UNC79: variants seen among roughly 807,000 people sequenced by gnomAD.
The protein encoded by UNC79 is unc-79 subunit of NALCN channel complex.
In UNC79, 37 loss-of-function variants were observed where a neutral mutation model predicts 283.1. That is an observed-to-expected ratio of 0.13 (90% CI 0.10 to 0.17). The LOEUF (loss-of-function observed/expected upper bound fraction) is 0.17, where lower values mean the gene tolerates loss of function less well. UNC79 is among the 10% of genes least tolerant of loss of function. The probability of loss-of-function intolerance (pLI) is 1.00; values close to 1 mark genes in which losing one functional copy is unlikely to be tolerated. For synonymous variants in UNC79, 1,107 were observed against 1,200.2 expected (o/e 0.92, Z 1.61); for missense variants, 2,272 against 3,211.1 (o/e 0.71, Z 7.07).
chr14:93,678,043 C>A (rs547151922), intron 41 of UNC79, among the ~76,000 whole-genome samples: 1 of 152,238 alleles, frequency 6.6e-6, no homozygotes, highest in African/African-American at 2.4e-5. Context: ...GAAATGACAG[C>A]CTACTCTCTG....
intron 33 of UNC79, among the ~76,000 whole-genome samples, chr14:93,642,878 A>T (rs536593647): frequency 6.6e-6 from 1 of 152,304 alleles, no homozygotes; most frequent in African/African-American, 2.4e-5. Context: ...TCACTTTATC[A>T]GCTGGCTTTG....
At position 93,474,063 on chromosome 14, in the gene UNC79, C is replaced by CTTTTTTT; in HGVS notation, c.144-24_144-18dup. On this transcript the variant is annotated intron_variant, in intron 2 of 48. Transcript: ENST00000555664. This position sits in a 1 kb window ranked among gnomAD's most constrained non-coding sequence, Gnocchi z 4.1. ...GCTGTTCTTTGTGTCTTTGTTGTCT[C>CTTTTTTT]TTTTTTTTCTTTGTCCCCCCAACAG... 6.6e-7 allele frequency: 1 copy of CTTTTTTT among 1,505,724 alleles called. No individual in the cohort carries two copies. The allele number at this position is 1,505,724 out of a possible 1,614,324, so 93.3% of individuals were successfully genotyped here. A position where few individuals can be genotyped will look rare whatever the true frequency, so the allele number is the denominator to read the frequency against.
At chr14:93,549,429 C>G (rs1365947538) in intron 14 of UNC79, among the ~76,000 whole-genome samples, 1 of 152,194 alleles carries the variant, frequency 6.6e-6, no homozygotes, top group Non-Finnish European at 1.5e-5. Context: ...TCTGAAAACA[C>G]AGCTGTTTTT....
At chr14:93,637,164 A>C (rs1596176918) in intron 31 of UNC79, 52 bp from the exon 35 acceptor site, 1 of 899,368 alleles carries the variant, frequency 1.1e-6, no homozygotes, top group East Asian at 2.4e-5. Context: ...TTGTGTTCTA[A>C]ATGGTGCTAA....
chr14:93,644,022 C>T (rs1294215084), intron 34 of UNC79, among the ~76,000 whole-genome samples: 1 of 152,156 alleles, frequency 6.6e-6, no homozygotes, highest in African/African-American at 2.4e-5. Context: ...GTAAACACTT[C>T]GTAAGTATTA....
chr14:93,698,476 G>GTTTTTTTTTTTTTT lies in UNC79; in HGVS notation c.7548+4078_7548+4091dup, dbSNP rs71129655. Among the ~76,000 whole-genome samples, 9 of 79,110 alleles carry GTTTTTTTTTTTTTT rather than the reference G, an allele frequency of 1.1e-4. 3 individuals are homozygous for GTTTTTTTTTTTTTT. The highest frequency in any genetic ancestry group is 8.5e-4 in the East Asian group (2 of 2,366). The allele number at this position is 79,110 out of a possible 152,430, so 51.9% of individuals were successfully genotyped here. A position where few individuals can be genotyped will look rare whatever the true frequency, so the allele number is the denominator to read the frequency against. On this transcript the variant is annotated intron_variant, in intron 47 of 48. Transcript: ENST00000555664. ...TGGTAATATTTTTAGTTTAGTTTAG[G>GTTTTTTTTTTTTTT]TTTTTTTTTTTTTTTTTTTTTTTTT...
At chr14:93,512,637 G>A (rs781201741) in intron 7 of UNC79, among the ~76,000 whole-genome samples, 64 of 152,000 alleles carry the variant, frequency 4.2e-4, no homozygotes, top group African/African-American at 1.4e-3. Context: ...CTTCTGCTGC[G>A]TCCAATATTT....
intron 8 of UNC79, among the ~76,000 whole-genome samples, chr14:93,524,370 C>T (rs1023819112): frequency 5.3e-5 from 8 of 152,170 alleles, no homozygotes; most frequent in African/African-American, 1.9e-4. Flanking sequence ...TGTATTTTCT[C>T]TCTGTTTTCA....
intron 1 of UNC79, among the ~76,000 whole-genome samples, chr14:93,337,263 C>T (rs527281334): frequency 2.0e-4 from 30 of 152,378 alleles, no homozygotes; most frequent in Admixed American, 1.9e-3. Flanking sequence ...AGTCTACGCA[C>T]TTTGGGTCTT....
In UNC79 at chr14:93,582,300, A is replaced by C. The variant is rs751985722; in HGVS notation, c.2759A>C (p.His920Pro). ...GAGGAGGAGAATCCTGCAAGCAAGC[A>C]TGGGGAGAACCCAGGCAACTGCACC... Residue 920 changes from histidine to proline, a missense_variant, in exon 20 of 49, where the codon CAT (histidine) becomes CCT (proline). His to Pro is a moderately conservative substitution (Grantham distance 77, BLOSUM62 -2). Coordinates refer to ENST00000555664, the Ensembl canonical transcript of UNC79. The C allele has an allele frequency of 5.6e-6, 9 of 1,614,074 alleles. No individual in the cohort carries two copies. In the East Asian group the frequency reaches 1.3e-4, roughly 24 times the overall value.
intron 7 of UNC79, among the ~76,000 whole-genome samples, chr14:93,519,464 A>T (rs1424136130): frequency 6.6e-6 from 1 of 151,804 alleles, no homozygotes; most frequent in Non-Finnish European, 1.5e-5. Context: ...CTCAAATCCT[A>T]TTTCACAATC....
rs117980806 is a variant in UNC79, at chr14:93,345,706, G to A, written c.-351+12183G>A. Reference sequence around the variant, plus strand: ...GACCCGCTAAGAAGGGCCAGTGTCCGTCAATAAGAATTTTAGGTTGAGAAC... The same window carrying A: ...GACCCGCTAAGAAGGGCCAGTGTCCATCAATAAGAATTTTAGGTTGAGAAC... On this transcript the variant is annotated intron_variant, in intron 1 of 49. Transcript: ENST00000256339. 1.3e-4 allele frequency among the ~76,000 whole-genome samples: 20 copies of A among 152,190 alleles called. No individual in the cohort carries two copies. In the East Asian group the frequency reaches 2.9e-3, roughly 22 times the overall value.
rs79515228 is a variant in UNC79, at chr14:93,466,985, A to G, written c.23-686A>G. The G allele has an allele frequency of 2.3e-3, 2,004 of 856,958 alleles. 34 individuals are homozygous for G. In the African/African-American group the frequency reaches 0.034, roughly 15 times the overall value. 53.1% of individuals were successfully genotyped at this position (856,958 alleles called of 1,614,324 possible). A position where few individuals can be genotyped will look rare whatever the true frequency, so the allele number is the denominator to read the frequency against. On this transcript the variant is annotated intron_variant, in intron 1 of 48. Transcript: ENST00000555664. ...CAGCCAAGCTCAGAAAGCTATTAGG[A>G]AGTCTCCTAATTTATGAGATTCTTT... is the stretch of plus-strand genomic sequence containing the variant.
intron 1 of UNC79, among the ~76,000 whole-genome samples, chr14:93,400,328 G>T (rs910677006): frequency 6.6e-6 from 1 of 151,982 alleles, no homozygotes; most frequent in East Asian, 1.9e-4. Context: ...TATCTCAAAG[G>T]TTCTATTCTT....
intron 25 of UNC79, 130 bp from the exon 26 acceptor site, chr14:93,603,109 A>G (rs2065632709): frequency 1.9e-6 from 2 of 1,077,956 alleles, no homozygotes; most frequent in Non-Finnish European, 2.6e-6. Context: ...CTCATCATAG[A>G]GGGAGATGTA....
chr14:93,345,044 G>A (rs900635417), intron 1 of UNC79, among the ~76,000 whole-genome samples: 4 of 152,088 alleles, frequency 2.6e-5, no homozygotes, highest in East Asian at 1.9e-4. Flanking sequence ...GTTAGGAGGC[G>A]GGGCCTTTGG....
At position 93,663,755 on chromosome 14, in the gene UNC79, C is replaced by T. The variant is rs888419643; in HGVS notation, c.6636+1041C>T. ...CTTTTAGAAACTTCTTGAAAGATAA[C>T]TTCTTCTTCTTTTTCACTTAAAAAT... On this transcript the variant is annotated intron_variant, in intron 40 of 48. Transcript: ENST00000555664. 1.2e-4 allele frequency among the ~76,000 whole-genome samples: 17 copies of T among 143,948 alleles called. 1 individual carries two copies. In the East Asian group the frequency reaches 2.3e-3, roughly 20 times the overall value. 94.4% of individuals were successfully genotyped at this position (143,948 alleles called of 152,430 possible). A position where few individuals can be genotyped will look rare whatever the true frequency, so the allele number is the denominator to read the frequency against.
At chr14:93,498,893 A>G (rs2059152756) in intron 7 of UNC79, among the ~76,000 whole-genome samples, 1 of 152,074 alleles carries the variant, frequency 6.6e-6, no homozygotes, top group Non-Finnish European at 1.5e-5. Flanking sequence ...AGAGAGAGAG[A>G]TATTTTTGCA....
intron 1 of UNC79, among the ~76,000 whole-genome samples, chr14:93,442,597 C>T (rs1480882438): frequency 6.6e-6 from 1 of 152,110 alleles, no homozygotes; most frequent in African/African-American, 2.4e-5. Context: ...ATTATAAGTA[C>T]AAGCATTTGA....
Sources: gnomAD v4.1 joint callset for allele counts (sites outside exome capture counted in the v4.1 genomes callset) on GRCh38, gnomAD v4.1.1 for gene constraint, Gnocchi (gnomAD v3.1) non-coding constraint, MANE v1.5 for transcripts, NCBI Gene and HGNC (gene_info 2026-07-23, HGNC 2026-07-21) for gene names.